CLUH: variants seen among roughly 807,000 people sequenced by gnomAD.
CLUH encodes the protein clustered mitochondria protein homolog.
Under a neutral mutation model 139.3 loss-of-function variants are expected in CLUH, and 77 were observed. That is an observed-to-expected ratio of 0.55 (90% CI 0.46 to 0.67). The LOEUF (loss-of-function observed/expected upper bound fraction) is 0.67, where lower values mean the gene tolerates loss of function less well. Among genes scored for constraint, CLUH ranks in the 30% least tolerant of loss-of-function variants. CLUH has a pLI of 0.00. For missense variants in CLUH, 1,876 were observed against 1,875.8 expected (o/e 1.00, Z 0.00); for synonymous variants, 999 against 801.6 (o/e 1.25, Z -4.16).
chr17:2,691,791 G>A lies in CLUH; in HGVS notation c.3759C>T (p.Asn1253=), dbSNP rs375968306. The change falls in exon 24 of 26, where the codon AAC becomes AAT. Residue 1253 remains asparagine, a synonymous_variant. Coordinates refer to ENST00000651024, the MANE Select transcript of CLUH (RefSeq NM_001366661.1). ...GGGGCGGGATGTTGGCGCTGGAGCC[G>A]TTGCGGTAGATCTCGTTCATGGTGC... ...LQRTMNEIYR[N]GSSANIPPLK... 6.3e-7 allele frequency: 1 copy of A among 1,590,002 alleles called. No homozygotes were observed. Among genetic ancestry groups the A allele is most frequent in the Non-Finnish European group, 8.6e-7 (1 of 1,168,876 alleles).
Position 2,698,427 on chromosome 17 carries a change from A to G in CLUH, c.1430T>C (p.Phe477Ser). The change falls in exon 10 of 26, where the codon TTC (phenylalanine) becomes TCC (serine). Residue 477 changes from phenylalanine to serine, a missense_variant. Physicochemically the swap from Phe to Ser is radical, Grantham distance 155. Around this residue, in one of 3 missense-constraint regions of CLUH, gnomAD observed 1,454 missense variants for 1,384.4 expected, o/e 1.05. Transcript: ENST00000651024. ...CACGTAGGCCGCCACGTCCCCCCCGAAGTCCTTGTAGTGGTCTCGGACGTC... is the reference window on the plus strand; with the variant it reads ...CACGTAGGCCGCCACGTCCCCCCCGGAGTCCTTGTAGTGGTCTCGGACGTC... ...GFDVRDHYKD[F>S]GGDVAAYVAP... 1 of 1,613,178 alleles carries G rather than the reference A, an allele frequency of 6.2e-7. No homozygotes were observed. Among genetic ancestry groups the G allele is most frequent in the Non-Finnish European group, 8.5e-7 (1 of 1,179,784 alleles).
chr17:2,697,172 C>G (rs1006933058), intron 10 of CLUH, among the ~76,000 whole-genome samples: 1 of 152,094 alleles, frequency 6.6e-6, no homozygotes, highest in Non-Finnish European at 1.5e-5. Flanking sequence ...ACGAGGCAGG[C>G]AGATCACTTG....
At position 2,704,937 on chromosome 17, in the gene CLUH, T is replaced by C. The variant is rs773639495; in HGVS notation, c.101-373A>G. 1.1e-4 allele frequency among the ~76,000 whole-genome samples: 16 copies of C among 152,234 alleles called. No homozygotes were observed. Among genetic ancestry groups the C allele is most frequent in the Admixed American group, 8.5e-4 (13 of 15,298 alleles). On this transcript the variant is annotated intron_variant, in intron 1 of 25. Transcript: ENST00000651024. The surrounding 1 kb of genome is among the most constrained non-coding windows in gnomAD (Gnocchi z 5.7). The stretch of plus-strand genomic sequence containing the variant: ...TCTTCTCTGACCCCACACAGTGCCC[T>C]TGCCCCTCCCTCTCCAGCTCCATCC...
intron 10 of CLUH, among the ~76,000 whole-genome samples, chr17:2,697,324 G>A (rs142895430): frequency 0.03 from 4,562 of 152,040 alleles, 237 homozygotes; most frequent in African/African-American, 0.1. Context: ...ACTTGAACCC[G>A]GGAGGCAGAG....
intron 16 of CLUH, 140 bp from the exon 17 acceptor site, chr17:2,694,704 C>T: frequency 1.5e-6 from 2 of 1,334,454 alleles, no homozygotes; most frequent in African/African-American, 2.9e-5. Context: ...CGGCTGCCCT[C>T]ACCCTCCAGC....
rs764403568 is a variant in CLUH, at chr17:2,698,572, C to T, written c.1285G>A (p.Ala429Thr). The change falls in exon 10 of 26, where the codon GCG (alanine) becomes ACG (threonine). Residue 429 changes from alanine to threonine, a missense_variant. Around this residue, in one of 3 missense-constraint regions of CLUH, gnomAD observed 1,454 missense variants for 1,384.4 expected, o/e 1.05. Coordinates refer to ENST00000651024, the MANE Select transcript of CLUH (RefSeq NM_001366661.1). ...GCCATGGCGCCCCTGGTGGCTGCCG[C>T]GGTGAAGTCGCTGTGCACCTGGCGG... ...AIFKVHSDFTAAATRGAMAVI... is the reference protein window; with the variant it reads ...AIFKVHSDFTTAATRGAMAVI... 1 of 1,605,308 alleles carries T rather than the reference C, an allele frequency of 6.2e-7. No homozygotes were observed. The highest frequency in any genetic ancestry group is 2.2e-5 in the East Asian group (1 of 44,522).
At position 2,696,242 on chromosome 17, in the gene CLUH, A is replaced by C. The variant is rs1171677359; in HGVS notation, c.2308T>G (p.Ser770Ala). The C allele has an allele frequency of 6.4e-7, 1 of 1,573,454 alleles. No individual in the cohort carries two copies. The highest frequency in any genetic ancestry group is 8.6e-7 in the Non-Finnish European group (1 of 1,160,136). ...TGGTCCCGAACTTCATCCTGGCAGG[A>C]CTCAGGGAAACGAACCCCTGGAGGA... is the stretch of plus-strand genomic sequence containing the variant. ...IFSPGVRFPESCQDEVRDQKQ... is the reference protein window; with the variant it reads ...IFSPGVRFPEACQDEVRDQKQ... Residue 770 changes from serine to alanine, a missense_variant, in exon 13 of 26, where the codon TCC becomes GCC. Coordinates refer to ENST00000651024, the MANE Select transcript of CLUH (RefSeq NM_001366661.1).
In CLUH at chr17:2,698,258, G is replaced by A. The variant is rs773692220; in HGVS notation, c.1599C>T (p.Asp533=). Residue 533 remains aspartate (D), a synonymous_variant, in exon 10 of 26, where the codon GAC becomes GAT. Coordinates refer to ENST00000651024, the MANE Select transcript of CLUH (RefSeq NM_001366661.1). ...AGCCGTAGATGACGCTCTGCTCCTG[G>A]TCCCGCTCCAGGATGCCGGGGATGA... ...QSIIPGILER[D]QEQSVIYGSI... is the part of the protein sequence containing the mutation. The A allele has an allele frequency of 3.7e-6, 6 of 1,607,484 alleles. No individual in the cohort carries two copies. Among genetic ancestry groups the A allele is most frequent in the Admixed American group, 3.4e-5 (2 of 59,194 alleles).
rs1338103877 is a variant in CLUH at position 2,694,250 on chromosome 17, G to A, written c.2964C>T (p.Asp988=). 6.2e-7 allele frequency: 1 copy of A among 1,604,694 alleles called. No homozygotes were observed. Among genetic ancestry groups the A allele is most frequent in the East Asian group, 2.2e-5 (1 of 44,796 alleles). Residue 988 remains aspartate (D), a synonymous_variant, in exon 18 of 26, where the codon GAC becomes GAT. Transcript: ENST00000651024. The part of the protein sequence containing the change: ...IQVLLKEYSF[D]SRHKPAFTEE... ...CGGTGAACGCGGGCTTGTGGCGACT[G>A]TCGAAGCTGTACTCCTTCAGCAGGA...
rs1326246917 is a variant in CLUH, at chr17:2,704,142, G to A, written c.303+220C>T. Among the ~76,000 whole-genome samples, 1 of 152,186 alleles carries A rather than the reference G, an allele frequency of 6.6e-6. No individual in the cohort carries two copies. Among genetic ancestry groups the A allele is most frequent in the African/African-American group, 2.4e-5 (1 of 41,424 alleles). On this transcript the variant is annotated intron_variant, in intron 2 of 25. Coordinates refer to ENST00000651024, the MANE Select transcript of CLUH (RefSeq NM_001366661.1). This position sits in a 1 kb window ranked among gnomAD's most constrained non-coding sequence, Gnocchi z 5.7. ...TCCCCTCCCCACATAGGGCTGGCAG[G>A]CCCAGCTGGTTGCTGTCCTCTAGCA...
chr17:2,711,292 C>G (rs1407300895), intron 1 of CLUH: 1 of 152,156 alleles, frequency 6.6e-6, no homozygotes, highest in African/African-American at 2.4e-5. Context: ...CGCGTGTGCG[C>G]GCACGTGTCC....
rs2069862713 is a variant in CLUH, at chr17:2,694,733, C to T, written c.2852+124G>A. ...CTCCAGCACCCAGTGATCTCCACAGCTGCTCCCTCTTCTCTCTGACTCCCT... is the reference window on the plus strand; with the variant it reads ...CTCCAGCACCCAGTGATCTCCACAGTTGCTCCCTCTTCTCTCTGACTCCCT... On this transcript the variant is annotated intron_variant, in intron 16 of 25. Transcript: ENST00000651024. 8 of 1,383,200 alleles carry T rather than the reference C, an allele frequency of 5.8e-6. No homozygotes were observed. In the Admixed American group the frequency reaches 2.1e-4, roughly 37 times the overall value. 85.7% of individuals were successfully genotyped at this position (1,383,200 alleles called of 1,614,324 possible).
chr17:2,698,330 G>C lies in CLUH; in HGVS notation c.1527C>G (p.Gly509=), dbSNP rs199601806. The C allele has an allele frequency of 1.4e-3, 2,215 of 1,612,990 alleles. 1 individual carries two copies. Among genetic ancestry groups the C allele is most frequent in the Non-Finnish European group, 1.8e-3 (2,083 of 1,179,778 alleles). The change falls in exon 10 of 26, where the codon GGC becomes GGG. Residue 509 remains glycine, a synonymous_variant. Transcript: ENST00000651024. ...AVDVEGLYTL[G]TVVVDYRGYR... ...AGCCGCGGTAATCCACCACCACCGT[G>C]CCCAGCGTGTACAGCCCCTCCACGT...
chr17:2,696,985 G>A (rs780584964), intron 10 of CLUH, 43 bp from the exon 11 acceptor site: 3 of 1,439,706 alleles, frequency 2.1e-6, no homozygotes, highest in Non-Finnish European at 2.8e-6. Context: ...TGGACATCGG[G>A]GAGAGGAGCT....
In CLUH at chr17:2,704,547, G is replaced by C; in HGVS notation, c.118C>G (p.Leu40Val). The C allele has an allele frequency of 1.9e-6, 3 of 1,567,576 alleles. No homozygotes were observed. The highest frequency in any genetic ancestry group is 2.6e-6 in the Non-Finnish European group (3 of 1,156,874). ...PGAAELPSVM[L>V]LNGDCPESLK... The stretch of plus-strand genomic sequence containing the variant: ...CTCTCTGGGCAGTCCCCGTTTAAGA[G>C]CATGACTGATGGCAGCTCTGCGGGT... Residue 40 changes from leucine (L) to valine (V), a missense_variant, in exon 2 of 26, where the codon CTC becomes GTC. Leu to Val is a conservative substitution (Grantham distance 32). Coordinates refer to ENST00000651024, the MANE Select transcript of CLUH (RefSeq NM_001366661.1). The surrounding 1 kb of genome is among the most constrained non-coding windows in gnomAD (Gnocchi z 5.7).
intron 21 of CLUH, 22 bp downstream of exon 21, chr17:2,692,549 G>GC (rs369293762): frequency 7.5e-5 from 120 of 1,598,476 alleles, no homozygotes; most frequent in South Asian, 2.6e-4. Context: ...GGTCCCTGCC[G>GC]CCCCCCCGCC....
chr17:2,709,426 G>C (rs1041677102), intron 1 of CLUH, among the ~76,000 whole-genome samples: 5 of 152,110 alleles, frequency 3.3e-5, no homozygotes, highest in East Asian at 1.9e-4. Context: ...GGACAGTTCA[G>C]AGTTCCTCAG....
chr17:2,701,531 G>C lies in CLUH; in HGVS notation c.745-11C>G, dbSNP rs756745795. 1.4e-5 allele frequency: 23 copies of C among 1,613,492 alleles called. No individual in the cohort carries two copies. In the Admixed American group the frequency reaches 3.5e-4, roughly 25 times the overall value. On this transcript the variant is annotated splice_polypyrimidine_tract_variant and intron_variant, in intron 5 of 25. Coordinates refer to ENST00000651024, the MANE Select transcript of CLUH (RefSeq NM_001366661.1). ...CAGGCACTGCAAGGGCTTCGGGAGC[G>C]GCCGAGTCTGAGGGGCCAGGCCTCT...
Position 2,692,347 on chromosome 17 carries a change from G to T in CLUH, c.3560+14C>A. The T allele has an allele frequency of 6.5e-7, 1 of 1,546,068 alleles. No individual in the cohort carries two copies. Among genetic ancestry groups the T allele is most frequent in the Non-Finnish European group, 8.7e-7 (1 of 1,152,654 alleles). On this transcript the variant is annotated intron_variant, in intron 22 of 25. Coordinates refer to ENST00000651024, the MANE Select transcript of CLUH (RefSeq NM_001366661.1). ...CCTCCGCCGGCCTTGGCGTTTGGAC[G>T]GGCGGCCCCTCACCTGAGGGCCACC...
Sources: gnomAD v4.1 joint callset for allele counts (sites outside exome capture counted in the v4.1 genomes callset) on GRCh38, gnomAD v4.1.1 for gene constraint, gnomAD v4.1.1 regional missense constraint, Gnocchi (gnomAD v3.1) non-coding constraint, MANE v1.5 for transcripts, NCBI Gene and HGNC (gene_info 2026-07-23, HGNC 2026-07-21) for gene names.